The following STK32C variants were observed in gnomAD, a reference collection of about 807,000 sequenced individuals.
STK32C encodes serine/threonine kinase 32C.
In STK32C, 31 loss-of-function variants were observed where a neutral mutation model predicts 56.5. The ratio of observed to expected loss-of-function variants is 0.55; its 90% CI spans 0.41 to 0.74. STK32C has a LOEUF of 0.74. STK32C is among the 30% of genes least tolerant of loss of function. STK32C has a pLI of 0.00. For missense variants in STK32C, 544 were observed against 676.9 expected, an observed-to-expected ratio of 0.80 and a Z score of 2.18; for synonymous variants, 309 against 289.4, an observed-to-expected ratio of 1.07 and a Z score of -0.69.
intron 1 of STK32C, among the ~76,000 whole-genome samples, chr10:132,253,563 TCGAGGGAGCTG>T (rs2063996270): frequency 1.5e-5 from 1 of 68,128 alleles, no homozygotes; most frequent in African/African-American, 8.1e-5. Flanking sequence ...CTGGAGGGAG[TCGAGGGAGCTG>T]GAGGGAGCTG....
intron 2 of STK32C, among the ~76,000 whole-genome samples, chr10:132,228,546 C>T (rs1168515797): frequency 6.6e-6 from 1 of 152,256 alleles, no homozygotes; most frequent in Non-Finnish European, 1.5e-5. Context: ...AGCCTAACAG[C>T]ATCCAGGCGT....
chr10:132,215,419 G>T (rs1489218211), intron 10 of STK32C, among the ~76,000 whole-genome samples: 1 of 152,074 alleles, frequency 6.6e-6, no homozygotes, highest in African/African-American at 2.4e-5. Context: ...AGTGGGAGGT[G>T]ATTGAATTAT....
At chr10:132,253,246 A>G (rs893777029) in intron 1 of STK32C, among the ~76,000 whole-genome samples, 9 of 152,350 alleles carry the variant, frequency 5.9e-5, no homozygotes, top group Admixed American at 2.6e-4. Flanking sequence ...TTGCCAGCAC[A>G]GGTGGCCCAA....
At chr10:132,229,243 C>T (rs1461220452) in intron 2 of STK32C, among the ~76,000 whole-genome samples, 3 of 152,206 alleles carry the variant, frequency 2.0e-5, no homozygotes, top group African/African-American at 7.2e-5. Context: ...ACAACCTCTG[C>T]TCTCTGGTCC....
At chr10:132,212,003 C>T (rs945734488) in intron 10 of STK32C, among the ~76,000 whole-genome samples, 80 of 152,266 alleles carry the variant, frequency 5.3e-4, no homozygotes, top group African/African-American at 1.8e-3. Flanking sequence ...CCTCGGACCC[C>T]AGATGTCACC....
chr10:132,229,373 C>T (rs1378912921), intron 2 of STK32C, among the ~76,000 whole-genome samples: 1 of 152,150 alleles, frequency 6.6e-6, no homozygotes, highest in African/African-American at 2.4e-5. Flanking sequence ...GGCACACACC[C>T]GTAGTCCCAG....
chr10:132,233,302 G>T (rs1442268774), intron 2 of STK32C, among the ~76,000 whole-genome samples: 2 of 152,186 alleles, frequency 1.3e-5, no homozygotes, highest in East Asian at 1.9e-4. Context: ...TCCAGAGGCA[G>T]TTCCATCTCT....
At chr10:132,242,355 C>T (rs1418147616) in intron 2 of STK32C, among the ~76,000 whole-genome samples, 1 of 152,108 alleles carries the variant, frequency 6.6e-6, no homozygotes, top group African/African-American at 2.4e-5. Flanking sequence ...GGTGAAGGGG[C>T]TCCGACGGCA....
At chr10:132,270,341 C>T (rs56792106) in intron 1 of STK32C, among the ~76,000 whole-genome samples, 18,741 of 152,340 alleles carry the variant, frequency 0.12, 1,923 homozygotes, top group African/African-American at 0.28. Context: ...GGAGACACTG[C>T]TACCAGGGAA....
At chr10:132,330,197 C>A (rs989908711) in intron 1 of STK32C, 5 of 500,196 alleles carry the variant, frequency 1.0e-5, no homozygotes, top group Middle Eastern at 5.5e-4. Flanking sequence ...CTCGTACATA[C>A]AATTAACTAC....
intron 2 of STK32C, among the ~76,000 whole-genome samples, chr10:132,242,039 G>C (rs1191662139): frequency 6.6e-6 from 1 of 152,100 alleles, no homozygotes; most frequent in Non-Finnish European, 1.5e-5. Context: ...GAACCTGGGA[G>C]GTGGATGTCG....
chr10:132,331,314 G>T, intron 1 of STK32C: 1 of 967,146 alleles, frequency 1.0e-6, no homozygotes, highest in Non-Finnish European at 1.5e-6. Context: ...TTATCAGTTG[G>T]ATCCTGGAAT....
chr10:132,308,066 G>A, upstream of STK32C: 1 of 504,546 alleles, frequency 2.0e-6, no homozygotes, highest in Non-Finnish European at 2.5e-6. Flanking sequence ...GGAGCTGAGC[G>A]CCGGGGCGTG....
At chr10:132,263,750 C>T (rs2064387627) in intron 1 of STK32C, among the ~76,000 whole-genome samples, 1 of 150,644 alleles carries the variant, frequency 6.6e-6, no homozygotes, top group Admixed American at 6.6e-5. Flanking sequence ...CCTGTAATCC[C>T]AGCTACTCGG....
intron 1 of STK32C, among the ~76,000 whole-genome samples, chr10:132,316,934 C>T (rs1013784571): frequency 1.1e-4 from 16 of 141,164 alleles, no homozygotes; most frequent in Non-Finnish European, 3.0e-5. Flanking sequence ...GGCTGGGAGG[C>T]AGAGGTTGCA....
In STK32C at chr10:132,307,640, T is replaced by C; in HGVS notation, c.194A>G (p.Lys65Arg). 1 of 1,546,294 alleles carries C rather than the reference T, an allele frequency of 6.5e-7. No homozygotes were observed. The highest frequency in any genetic ancestry group is 1.2e-5 in the South Asian group (1 of 85,880). Residue 65 changes from lysine to arginine, a missense_variant, in exon 1 of 12, where the codon AAG becomes AGG. Around this residue, in one of 3 missense-constraint regions of STK32C, gnomAD observed 182 missense variants for 217.7 expected, o/e 0.84. Transcript: ENST00000298630. This position sits in a 1 kb window ranked among gnomAD's most constrained non-coding sequence, Gnocchi z 4.4. ...CGACATGGACGAGCCCATCCTCTTC[T>C]TCCACTTGCTCCACTGAAACAGGGG... ...PRPLFQWSKW[K>R]KRMGSSMSAA...
chr10:132,210,475 T>C (rs1453586195), intron 10 of STK32C, among the ~76,000 whole-genome samples: 1 of 152,246 alleles, frequency 6.6e-6, no homozygotes, highest in African/African-American at 2.4e-5. Flanking sequence ...CTTGAACTCC[T>C]GACCTCAGGT....
intron 2 of STK32C, among the ~76,000 whole-genome samples, chr10:132,235,488 C>T (rs1460612843): frequency 1.6e-4 from 2 of 12,804 alleles, no homozygotes; most frequent in East Asian, 3.6e-3. Flanking sequence ...GAGCAAGACT[C>T]AGCCTTAAAA....
intron 1 of STK32C, among the ~76,000 whole-genome samples, chr10:132,272,278 G>A (rs2064852022): frequency 6.6e-6 from 1 of 152,234 alleles, no homozygotes; most frequent in Non-Finnish European, 1.5e-5. Context: ...TGAGGACGCT[G>A]CCCACGAGCC....
Sources: gnomAD v4.1 joint callset for allele counts (sites outside exome capture counted in the v4.1 genomes callset) on GRCh38, gnomAD v4.1.1 for gene constraint, gnomAD v4.1.1 regional missense constraint, Gnocchi (gnomAD v3.1) non-coding constraint, MANE v1.5 for transcripts, NCBI Gene and HGNC (gene_info 2026-07-23, HGNC 2026-07-21) for gene names.